Variants in CACNA2D1 observed in about 807,000 individuals in gnomAD.
The protein encoded by CACNA2D1 is calcium voltage-gated channel auxiliary subunit alpha2delta 1, also known as voltage-dependent calcium channel subunit alpha-2/delta-1.
CACNA2D1 carries 53 observed loss-of-function variants against 171.5 expected under a neutral mutation model. The observed-to-expected ratio is 0.31, with a 90% CI of 0.25 to 0.39. CACNA2D1 has a LOEUF of 0.39. Among genes scored for constraint, CACNA2D1 ranks in the 10% least tolerant of loss-of-function variants. The probability of loss-of-function intolerance (pLI) is 1.00; values close to 1 mark genes in which losing one functional copy is unlikely to be tolerated. For missense variants in CACNA2D1, 903 were observed against 1,299.8 expected (o/e 0.69, Z 4.69); for synonymous variants, 442 against 443.1 (o/e 1.00, Z 0.03).
At chr7:82,092,998 GTT>G (rs113962217) in intron 6 of CACNA2D1, among the ~76,000 whole-genome samples, 1 of 150,840 alleles carries the variant, frequency 6.6e-6, no homozygotes, top group South Asian at 2.1e-4. Context: ...AAAGTGTGTG[GTT>G]TTTTTTTGTT....
chr7:82,426,138 TATAAATAAATAAATAAATAA>T (rs56342398), intron 1 of CACNA2D1, among the ~76,000 whole-genome samples: 6 of 129,012 alleles, frequency 4.7e-5, no homozygotes, highest in Non-Finnish European at 7.8e-5. Context: ...TTCAAAAATA[TATAAATAAATAAATAAATAA>T]ATAAATAAAT....
intron 3 of CACNA2D1, among the ~76,000 whole-genome samples, chr7:82,194,979 T>C (rs1432111954): frequency 6.6e-6 from 1 of 152,066 alleles, no homozygotes; most frequent in Non-Finnish European, 1.5e-5. Context: ...GACAGCACTT[T>C]AAGTTGCACT....
chr7:82,435,192 C>T (rs10240267), intron 1 of CACNA2D1, among the ~76,000 whole-genome samples: 4,050 of 151,986 alleles, frequency 0.027, 178 homozygotes, highest in African/African-American at 0.091. Flanking sequence ...CATGCCATCA[C>T]ACCCGGCTAA....
rs139995111 is a variant in CACNA2D1 at position 82,024,268 on chromosome 7, C to G, written c.1143+8529G>C. On this transcript the variant is annotated intron_variant, in intron 12 of 38. Transcript: ENST00000356860. ...GTGCTGCACAATTTTGCCTTCTCAT[C>G]AACATTGTGCAAGGATTCCACCTTC... Among the ~76,000 whole-genome samples, 10 of 151,706 alleles carry G rather than the reference C, an allele frequency of 6.6e-5. No homozygotes were observed. The East Asian group carries it at 1.9e-3, about 29-fold the overall frequency.
chr7:82,060,318 A>G (rs1440091716), intron 10 of CACNA2D1, 110 bp downstream of exon 10: 1 of 686,776 alleles, frequency 1.5e-6, no homozygotes, highest in Non-Finnish European at 2.5e-6. Context: ...GTCTTGCAAT[A>G]TATCAAAAAT....
chr7:82,161,565 G>A (rs1191322211), intron 4 of CACNA2D1, among the ~76,000 whole-genome samples: 2 of 152,014 alleles, frequency 1.3e-5, no homozygotes, highest in Admixed American at 6.6e-5. Context: ...TACATGTGGA[G>A]TTATGGCAGA....
intron 1 of CACNA2D1, among the ~76,000 whole-genome samples, chr7:82,361,432 A>C (rs1821067535): frequency 6.6e-6 from 1 of 152,186 alleles, no homozygotes; most frequent in Admixed American, 6.5e-5. Flanking sequence ...AGTTTATATA[A>C]ATGTCCAAGT....
At chr7:82,015,866 C>A (rs1180117464) in intron 12 of CACNA2D1, among the ~76,000 whole-genome samples, 1 of 152,144 alleles carries the variant, frequency 6.6e-6, no homozygotes, top group Non-Finnish European at 1.5e-5. Flanking sequence ...TTATAACAAT[C>A]CCTGCCCCCA....
chr7:82,084,935 A>G, intron 6 of CACNA2D1, 35 bp from the exon 7 acceptor site: 1 of 1,534,172 alleles, frequency 6.5e-7, no homozygotes, highest in Non-Finnish European at 9.0e-7. Flanking sequence ...AATTAATTCA[A>G]ATTTGTAATT....
intron 3 of CACNA2D1, among the ~76,000 whole-genome samples, chr7:82,284,434 C>T (rs1810504401): frequency 6.6e-6 from 1 of 152,096 alleles, no homozygotes; most frequent in Non-Finnish European, 1.5e-5. Flanking sequence ...AGGGTTAATA[C>T]AGTTGTCTTA....
At chr7:82,097,381 C>G (rs1226619371) in intron 6 of CACNA2D1, among the ~76,000 whole-genome samples, 1 of 152,046 alleles carries the variant, frequency 6.6e-6, no homozygotes, top group Admixed American at 6.5e-5. Flanking sequence ...AAAGCAGGTA[C>G]CATCAGACTG....
At chr7:82,107,556 T>G (rs901849201) in intron 6 of CACNA2D1, among the ~76,000 whole-genome samples, 1 of 150,918 alleles carries the variant, frequency 6.6e-6, no homozygotes, top group Non-Finnish European at 1.5e-5. Context: ...AACACAAATT[T>G]GGAAATTTCA....
intron 12 of CACNA2D1, chr7:82,021,306 T>C (rs1801179373): frequency 6.6e-6 from 1 of 152,108 alleles, no homozygotes; most frequent in African/African-American, 2.4e-5. Flanking sequence ...TGAAAAACTA[T>C]GTGTTAGACT....
chr7:82,306,278 G>C (rs1353553321), intron 3 of CACNA2D1, among the ~76,000 whole-genome samples: 2 of 152,080 alleles, frequency 1.3e-5, no homozygotes, highest in African/African-American at 4.8e-5. Context: ...AAAGAAGTGA[G>C]AACCCTAAGA....
At chr7:82,065,221 A>C (rs1340830859) in intron 8 of CACNA2D1, among the ~76,000 whole-genome samples, 1 of 152,184 alleles carries the variant, frequency 6.6e-6, no homozygotes, top group Non-Finnish European at 1.5e-5. Context: ...AATTAGTTCT[A>C]TGTGTTGAGG....
At chr7:82,271,692 A>G (rs537545140) in intron 3 of CACNA2D1, among the ~76,000 whole-genome samples, 114 of 152,244 alleles carry the variant, frequency 7.5e-4, no homozygotes, top group Non-Finnish European at 1.4e-3. Flanking sequence ...CTTTAGATGC[A>G]CAGTTATTAA....
intron 12 of CACNA2D1, among the ~76,000 whole-genome samples, chr7:82,017,132 C>T (rs976525913): frequency 1.3e-5 from 2 of 151,932 alleles, no homozygotes; most frequent in African/African-American, 4.8e-5. Flanking sequence ...AACACATATG[C>T]ACATAGGTAT....
rs181420467 is a variant in CACNA2D1, at chr7:82,240,364, T to C, written c.295-69755A>G. Among the ~76,000 whole-genome samples the C allele has an allele frequency of 7.9e-5, 12 of 152,350 alleles. No individual in the cohort carries two copies. In the East Asian group the frequency reaches 1.9e-3, roughly 24 times the overall value. On this transcript the variant is annotated intron_variant, in intron 3 of 38. Coordinates refer to ENST00000356860, the MANE Select transcript of CACNA2D1 (RefSeq NM_000722.4). ...CTTCATCTTCTCCATTCTGCCATCA[T>C]AGATAAGCTCCAGCAGGAATTGAAT...
chr7:82,149,912 GC>G (rs1822798552), intron 4 of CACNA2D1, among the ~76,000 whole-genome samples: 1 of 151,898 alleles, frequency 6.6e-6, no homozygotes, highest in Non-Finnish European at 1.5e-5. Context: ...AGCCGAGATC[GC>G]GCCACTGCAC....
Sources: gnomAD v4.1 joint callset for allele counts (sites outside exome capture counted in the v4.1 genomes callset) on GRCh38, gnomAD v4.1.1 for gene constraint, MANE v1.5 for transcripts, NCBI Gene and HGNC (gene_info 2026-07-23, HGNC 2026-07-21) for gene names.